CFAP77: variants seen among roughly 807,000 people sequenced by gnomAD.
CFAP77 encodes cilia and flagella associated protein 77.
In CFAP77, 25 loss-of-function variants were observed where a neutral mutation model predicts 31.1. That is an observed-to-expected ratio of 0.80 (90% CI 0.59 to 1.12). CFAP77 has a LOEUF of 1.12. Among genes scored for constraint, CFAP77 ranks in the 50% most tolerant of loss-of-function variants. The pLI, the probability that CFAP77 is intolerant of heterozygous loss-of-function variation, is 0.00. For missense variants in CFAP77, 377 were observed against 397.3 expected (o/e 0.95, Z 0.44); for synonymous variants, 151 against 159.9 (o/e 0.94, Z 0.42).
In CFAP77 at chr9:132,513,335, G is replaced by C. The variant is rs771296683; in HGVS notation, c.524+13735G>C. 1.1e-5 allele frequency: 17 copies of C among 1,545,544 alleles called. No individual in the cohort carries two copies. In the African/African-American group the frequency reaches 2.1e-4, roughly 19 times the overall value. The stretch of plus-strand genomic sequence containing the variant: ...TGAACCCACTACCTGGATTTAGCAC[G>C]CTAACCATCTGGCCGCTTTCGCTTC... On this transcript the variant is annotated intron_variant, in intron 3 of 5. Coordinates refer to ENST00000393216, the MANE Select transcript of CFAP77 (RefSeq NM_001282957.2).
chr9:132,486,054 A>ATG (rs199499678), intron 1 of CFAP77, among the ~76,000 whole-genome samples: 1 of 27,546 alleles, frequency 3.6e-5, no homozygotes, highest in African/African-American at 3.7e-4. Context: ...ATGTATATGT[A>ATG]TGTGTGTGTG....
chr9:132,530,457 T>C (rs1852422616), intron 3 of CFAP77, among the ~76,000 whole-genome samples: 1 of 152,098 alleles, frequency 6.6e-6, no homozygotes, highest in Non-Finnish European at 1.5e-5. Flanking sequence ...GTATTTTTAG[T>C]AGAGACGAGG....
chr9:132,481,555 G>A lies in CFAP77; in HGVS notation c.196-17140G>A, dbSNP rs865998495. Among the ~76,000 whole-genome samples, 3 of 152,210 alleles carry A rather than the reference G, an allele frequency of 2.0e-5. No homozygotes were observed. The highest frequency in any genetic ancestry group is 3.2e-3 in the Middle Eastern group (1 of 316). ...CCCCGCTCCTGCTAGAGGAGGAGAA[G>A]CATTGCTGCTGAGGCCTCTGCATCA... On this transcript the variant is annotated intron_variant, in intron 1 of 5. Transcript: ENST00000393216. This position sits in a 1 kb window ranked among gnomAD's most constrained non-coding sequence, Gnocchi z 5.0.
intron 1 of CFAP77, among the ~76,000 whole-genome samples, chr9:132,425,293 G>A (rs1203665622): frequency 1.3e-5 from 2 of 152,042 alleles, no homozygotes; most frequent in Non-Finnish European, 2.9e-5. Flanking sequence ...TCCGAAATAG[G>A]CTCTGTGAGC....
In CFAP77 at chr9:132,424,437, C is replaced by CCCTGG. The variant is rs553941519; in HGVS notation, c.195+13982_195+13986dup. ...AAAAAGAGTTAGGAAGAGGGAGCAG[C>CCCTGG]CCTGGCCTGGCCTGGTCCAGAAAGA... On this transcript the variant is annotated intron_variant, in intron 1 of 5. Transcript: ENST00000393216. This position sits in a 1 kb window ranked among gnomAD's most constrained non-coding sequence, Gnocchi z 4.1. 4.6e-5 allele frequency among the ~76,000 whole-genome samples: 7 copies of CCCTGG among 152,132 alleles called. No homozygotes were observed. Among genetic ancestry groups the CCCTGG allele is most frequent in the South Asian group, 2.1e-4 (1 of 4,822 alleles).
At chr9:132,558,431 G>A (rs886351511) in intron 5 of CFAP77, among the ~76,000 whole-genome samples, 1 of 152,248 alleles carries the variant, frequency 6.6e-6, no homozygotes, top group South Asian at 2.1e-4. Flanking sequence ...AAATCCAGGT[G>A]TGGTGGCTCA....
At chr9:132,529,987 A>G (rs960342495) in intron 3 of CFAP77, among the ~76,000 whole-genome samples, 2 of 152,052 alleles carry the variant, frequency 1.3e-5, no homozygotes, top group Non-Finnish European at 1.5e-5. Flanking sequence ...AGCTGTACTA[A>G]TGGGGGCATA....
chr9:132,491,151 C>T (rs556780776), intron 1 of CFAP77, among the ~76,000 whole-genome samples: 37 of 152,230 alleles, frequency 2.4e-4, no homozygotes, highest in Admixed American at 1.2e-3. Context: ...AATGAATGAA[C>T]GAATGAGTAC....
chr9:132,459,420 G>GGTGTGTGTGTGTGTGTGTGTGTGT (rs112825234), intron 1 of CFAP77, among the ~76,000 whole-genome samples: 1 of 143,864 alleles, frequency 7.0e-6, no homozygotes, highest in Non-Finnish European at 1.5e-5. Flanking sequence ...GGATGAATAG[G>GGTGTGTGTGTGTGTGTGTGTGTGT]GTGTGTGTGT....
At chr9:132,492,842 G>C (rs1476602582) in intron 1 of CFAP77, among the ~76,000 whole-genome samples, 1 of 152,176 alleles carries the variant, frequency 6.6e-6, no homozygotes, top group African/African-American at 2.4e-5. Flanking sequence ...ATTTGCACGT[G>C]AACAAAGGGA....
At position 132,539,913 on chromosome 9, in the gene CFAP77, CTGTTTGTTTATTTTTGTTTT is replaced by C. The variant is rs1852610385; in HGVS notation, c.630+2217_630+2236del. 6.6e-6 allele frequency among the ~76,000 whole-genome samples: 1 copy of C among 151,024 alleles called. No homozygotes were observed. Among genetic ancestry groups the C allele is most frequent in the African/African-American group, 2.4e-5 (1 of 41,088 alleles). ...GCATTAGAGCTGGGAGTTTTTTTTG[CTGTTTGTTTATTTTTGTTTT>C]TGTTTGTTTGTTTTTGAGACGGAGT... On this transcript the variant is annotated intron_variant, in intron 4 of 5. Transcript: ENST00000393216. The surrounding 1 kb of genome is among the most constrained non-coding windows in gnomAD (Gnocchi z 4.3).
intron 1 of CFAP77, among the ~76,000 whole-genome samples, chr9:132,429,341 C>A (rs1850365544): frequency 2.0e-5 from 3 of 151,800 alleles, no homozygotes; most frequent in African/African-American, 7.3e-5. Flanking sequence ...GAATTTGAGA[C>A]CAGCCTGGCC....
chr9:132,429,537 CAAAAAAAAAAAAA>C (rs762588728), intron 1 of CFAP77, among the ~76,000 whole-genome samples: 1 of 39,458 alleles, frequency 2.5e-5, no homozygotes, highest in African/African-American at 9.7e-5. Flanking sequence ...GACTTCAACT[CAAAAAAAAAAAAA>C]AAAAAAAAAA....
intron 5 of CFAP77, among the ~76,000 whole-genome samples, chr9:132,560,526 C>T (rs1210847973): frequency 2.0e-5 from 3 of 152,188 alleles, no homozygotes; most frequent in Non-Finnish European, 2.9e-5. Flanking sequence ...CTAATCCTTG[C>T]GAATGACCTG....
At chr9:132,457,197 C>G (rs1180114171) in intron 1 of CFAP77, among the ~76,000 whole-genome samples, 1 of 151,742 alleles carries the variant, frequency 6.6e-6, no homozygotes, top group East Asian at 1.9e-4. Flanking sequence ...CTGGATGAAG[C>G]CCTCGGCCTG....
chr9:132,468,274 A>G (rs12338578), intron 1 of CFAP77, among the ~76,000 whole-genome samples: 3,181 of 152,248 alleles, frequency 0.021, 108 homozygotes, highest in African/African-American at 0.072. Context: ...TGAGCCCAGG[A>G]GGCCGAGGCT....
chr9:132,410,498 GTCGCCGGCTCCGGGCACCT>G, intron 1 of CFAP77, 32 bp downstream of exon 1: 1 of 1,519,596 alleles, frequency 6.6e-7, no homozygotes, highest in Non-Finnish European at 8.8e-7. Flanking sequence ...CGCTTTCGCT[GTCGCCGGCTCCGGGCACCT>G]GCGCCGCCGG....
chr9:132,534,234 A>G (rs1267962655), intron 3 of CFAP77, among the ~76,000 whole-genome samples: 1 of 152,174 alleles, frequency 6.6e-6, no homozygotes, highest in Admixed American at 6.5e-5. Flanking sequence ...CCCTAGATCC[A>G]TTATTTCATT....
chr9:132,432,654 C>T (rs564716873), intron 1 of CFAP77, among the ~76,000 whole-genome samples: 135 of 152,022 alleles, frequency 8.9e-4, no homozygotes, highest in Admixed American at 1.5e-3. Context: ...GCCTCAGCCA[C>T]CTGAGTAGCT....
Sources: allele counts gnomAD v4.1 joint callset (sites outside exome capture counted in the v4.1 genomes callset), GRCh38; gene constraint gnomAD v4.1.1; non-coding constraint Gnocchi (gnomAD v3.1); transcripts MANE v1.5; gene names NCBI Gene and HGNC (gene_info 2026-07-23, HGNC 2026-07-21).